The following SH2D4B variants were observed in gnomAD, a reference collection of about 807,000 sequenced individuals.
SH2D4B encodes SH2 domain containing 4B.
SH2D4B carries 45 observed loss-of-function variants against 61.5 expected under a neutral mutation model. The ratio of observed to expected loss-of-function variants is 0.73; its 90% CI spans 0.58 to 0.94. SH2D4B has a LOEUF of 0.94. Ranked by LOEUF, SH2D4B falls within the 40% of genes least tolerant of loss-of-function variation. SH2D4B has a pLI of 0.00. For missense variants in SH2D4B, 572 were observed against 574.2 expected, an observed-to-expected ratio of 1.00 and a Z score of 0.04; for synonymous variants, 224 against 220.4, an observed-to-expected ratio of 1.02 and a Z score of -0.14.
intron 5 of SH2D4B, among the ~76,000 whole-genome samples, chr10:80,606,090 C>T (rs1842516623): frequency 1.3e-5 from 2 of 152,070 alleles, no homozygotes; most frequent in Non-Finnish European, 2.9e-5. Context: ...CCTATAGCCG[C>T]CCCATGGGAC....
chr10:80,632,069 G>C (rs7908184), intron 6 of SH2D4B, among the ~76,000 whole-genome samples: 4,086 of 152,052 alleles, frequency 0.027, 193 homozygotes, highest in African/African-American at 0.094. Flanking sequence ...TCCCAAGTGG[G>C]TGTAGCATCT....
chr10:80,551,006 G>A (rs903849951), intron 1 of SH2D4B, among the ~76,000 whole-genome samples: 7 of 152,092 alleles, frequency 4.6e-5, no homozygotes, highest in Non-Finnish European at 1.0e-4. Flanking sequence ...TTAGAATAAA[G>A]CACAACAAGG....
At chr10:80,577,095 C>G (rs11814516) in intron 3 of SH2D4B, among the ~76,000 whole-genome samples, 34,666 of 152,078 alleles carry the variant, frequency 0.23, 5,029 homozygotes, top group African/African-American at 0.4. Context: ...AAGACTATAA[C>G]GGAGCTGAAG....
intron 1 of SH2D4B, among the ~76,000 whole-genome samples, chr10:80,542,401 T>C (rs1424682203): frequency 6.8e-6 from 1 of 147,840 alleles, no homozygotes. Context: ...GTTCTATCTT[T>C]TTTTTTTTTT....
rs2132171050 is a variant in SH2D4B at position 80,645,412 on chromosome 10, A to G, written c.*1327A>G. 6.6e-6 allele frequency: 1 copy of G among 152,336 alleles called. No individual in the cohort carries two copies. Among genetic ancestry groups the G allele is most frequent in the African/African-American group, 2.4e-5 (1 of 41,570 alleles). 9.4% of individuals were successfully genotyped at this position (152,336 alleles called of 1,614,324 possible). ...CCAATGGTAGCTTGCCACATGCCCCATCTCCCATTGCTGCAGAGGCATAAG... is the reference window on the plus strand; with the variant it reads ...CCAATGGTAGCTTGCCACATGCCCCGTCTCCCATTGCTGCAGAGGCATAAG... On this transcript the variant is annotated 3_prime_UTR_variant, in exon 8 of 8. Transcript: ENST00000646907.
Position 80,588,695 on chromosome 10 carries a change from G to T in SH2D4B, c.561G>T (p.Ala187=). The part of the protein sequence containing the change: ...EQIRLQEEQR[A]KELYWTLKQA... ...TTCGCCTCCAGGAAGAGCAGAGGGC[G>T]AAGGAGCTCTACTGGACCCTGAAGC... The change falls in exon 4 of 8, where the codon GCG becomes GCT. Residue 187 remains alanine (A), a synonymous_variant. Coordinates refer to ENST00000646907, the MANE Select transcript of SH2D4B (RefSeq NM_001388272.1). 6.2e-7 allele frequency: 1 copy of T among 1,614,106 alleles called. No individual in the cohort carries two copies. The highest frequency in any genetic ancestry group is 8.5e-7 in the Non-Finnish European group (1 of 1,180,040).
At chr10:80,557,194 A>G (rs1029581754) in intron 1 of SH2D4B, among the ~76,000 whole-genome samples, 2 of 152,100 alleles carry the variant, frequency 1.3e-5, no homozygotes, top group Admixed American at 1.3e-4. Flanking sequence ...ATTTTGATCG[A>G]TTTTTGAATG....
At position 80,538,444 on chromosome 10, in the gene SH2D4B, G is replaced by T; in HGVS notation, c.113G>T (p.Arg38Leu). Residue 38 changes from arginine to leucine, a missense_variant, in exon 1 of 8, where the codon CGC (arginine) becomes CTC (leucine). Transcript: ENST00000646907. This position sits in a 1 kb window ranked among gnomAD's most constrained non-coding sequence, Gnocchi z 4.8. ...FYKMREEQLRRWKERETWEAL... is the reference protein window; with the variant it reads ...FYKMREEQLRLWKERETWEAL... Reference sequence around the variant, plus strand: ...AAAATGCGGGAGGAGCAGCTGAGGCGCTGGAAGGAGCGGGAGACTTGGGAG... The same window carrying T: ...AAAATGCGGGAGGAGCAGCTGAGGCTCTGGAAGGAGCGGGAGACTTGGGAG... The T allele has an allele frequency of 3.3e-6, 5 of 1,498,290 alleles. No individual in the cohort carries two copies. The highest frequency in any genetic ancestry group is 4.5e-6 in the Non-Finnish European group (5 of 1,122,476). The allele number at this position is 1,498,290 out of a possible 1,614,324, so 92.8% of individuals were successfully genotyped here. A position where few individuals can be genotyped will look rare whatever the true frequency, so the allele number is the denominator to read the frequency against.
intron 3 of SH2D4B, among the ~76,000 whole-genome samples, chr10:80,584,925 G>A (rs1177467223): frequency 6.6e-6 from 1 of 152,222 alleles, no homozygotes; most frequent in Non-Finnish European, 1.5e-5. Flanking sequence ...GCCAAGCAAA[G>A]GAACAGCTAA....
chr10:80,630,698 A>G (rs1447223902), intron 6 of SH2D4B, among the ~76,000 whole-genome samples: 1 of 152,232 alleles, frequency 6.6e-6, no homozygotes, highest in Admixed American at 6.5e-5. Context: ...GCACAAAGGT[A>G]GAGTGTAGGC....
At chr10:80,634,621 G>T in intron 7 of SH2D4B, 116 bp downstream of exon 7, 1 of 1,430,706 alleles carries the variant, frequency 7.0e-7, no homozygotes, top group Non-Finnish European at 9.3e-7. Flanking sequence ...GGGCTGGAGG[G>T]TCTCAGAGAT....
chr10:80,600,017 A>T (rs1054186288), intron 4 of SH2D4B, among the ~76,000 whole-genome samples: 1 of 152,176 alleles, frequency 6.6e-6, no homozygotes, highest in African/African-American at 2.4e-5. Flanking sequence ...CACAGTAAAC[A>T]CGACAATAAC....
At chr10:80,577,451 G>C (rs1842138939) in intron 3 of SH2D4B, among the ~76,000 whole-genome samples, 1 of 150,492 alleles carries the variant, frequency 6.6e-6, no homozygotes, top group African/African-American at 2.4e-5. Context: ...TTTTGAGACG[G>C]AGTCTCGCTC....
In SH2D4B at chr10:80,572,909, C is replaced by T. The variant is rs574637363; in HGVS notation, c.495+1331C>T. On this transcript the variant is annotated intron_variant, in intron 3 of 7. Coordinates refer to ENST00000646907, the MANE Select transcript of SH2D4B (RefSeq NM_001388272.1). ...CTGGGATTATGGGTGTGAGCCACTGCACCCGACCAATGTTGGCCTTTTCAT... is the reference window on the plus strand; with the variant it reads ...CTGGGATTATGGGTGTGAGCCACTGTACCCGACCAATGTTGGCCTTTTCAT... Among the ~76,000 whole-genome samples the T allele has an allele frequency of 4.1e-5, 5 of 120,744 alleles. No individual in the cohort carries two copies. In the East Asian group the frequency reaches 1.4e-3, roughly 33 times the overall value. 79.2% of individuals were successfully genotyped at this position (120,744 alleles called of 152,430 possible). A position where few individuals can be genotyped will look rare whatever the true frequency, so the allele number is the denominator to read the frequency against.
intron 1 of SH2D4B, chr10:80,540,872 G>C (rs1841568925): frequency 6.4e-7 from 1 of 1,551,524 alleles, no homozygotes. Flanking sequence ...GGGCTCCACG[G>C]AGGAATCTTC....
intron 7 of SH2D4B, among the ~76,000 whole-genome samples, chr10:80,639,793 T>G (rs2132166496): frequency 6.6e-6 from 1 of 152,328 alleles, no homozygotes; most frequent in Non-Finnish European, 1.5e-5. Context: ...AAGGTTAATA[T>G]TGTTATGTGT....
chr10:80,572,964 A>G (rs367562851), intron 3 of SH2D4B, among the ~76,000 whole-genome samples: 1 of 6,320 alleles, frequency 1.6e-4, no homozygotes, highest in African/African-American at 7.7e-4. Context: ...ATATATATAT[A>G]TATATATATA....
intron 1 of SH2D4B, among the ~76,000 whole-genome samples, chr10:80,569,212 C>T (rs1387626296): frequency 6.6e-6 from 1 of 152,170 alleles, no homozygotes; most frequent in Admixed American, 6.5e-5. Flanking sequence ...CTTCATCTCA[C>T]ACCACCACCT....
intron 3 of SH2D4B, 62 bp from the exon 4 acceptor site, chr10:80,588,568 C>A: frequency 6.3e-7 from 1 of 1,589,722 alleles, no homozygotes; most frequent in Non-Finnish European, 8.6e-7. Context: ...AGAGATATTT[C>A]TTTCTCGTTT....
Sources: allele counts gnomAD v4.1 joint callset (sites outside exome capture counted in the v4.1 genomes callset), GRCh38; gene constraint gnomAD v4.1.1; non-coding constraint Gnocchi (gnomAD v3.1); transcripts MANE v1.5; gene names NCBI Gene and HGNC (gene_info 2026-07-23, HGNC 2026-07-21).